SHISAL1: variants seen among roughly 807,000 people sequenced by gnomAD.
SHISAL1 encodes shisa like 1.
In SHISAL1, 9 loss-of-function variants were observed where a neutral mutation model predicts 22.6. The observed-to-expected ratio is 0.40, with a 90% confidence interval of 0.24 to 0.70. SHISAL1 has a LOEUF of 0.70. Among genes scored for constraint, SHISAL1 ranks in the 30% least tolerant of loss-of-function variants. The probability of loss-of-function intolerance (pLI) is 0.39; values close to 1 mark genes in which losing one functional copy is unlikely to be tolerated. For synonymous variants in SHISAL1, 119 were observed against 115.4 expected, an observed-to-expected ratio of 1.03 and a Z score of -0.20; for missense variants, 246 against 270.6, an observed-to-expected ratio of 0.91 and a Z score of 0.64.
chr22:44,326,234 A>T, the SHISAL1 span, among the ~76,000 whole-genome samples: 1 of 152,184 alleles, frequency 6.6e-6, no homozygotes. Flanking sequence ...GCGCTGGATT[A>T]TGGAAGGAAT....
At chr22:44,315,878 G>A (rs1057040523), upstream of SHISAL1, among the ~76,000 whole-genome samples, 6 of 152,086 alleles carry the variant, frequency 3.9e-5, no homozygotes, top group South Asian at 2.1e-4. Flanking sequence ...GCAGTTCCCC[G>A]GCCTCAGGTG....
chr22:44,260,260 C>G (rs1265334245), intron 4 of SHISAL1, among the ~76,000 whole-genome samples: 1 of 152,220 alleles, frequency 6.6e-6, no homozygotes, highest in African/African-American at 2.4e-5. Context: ...AAGTCACTTT[C>G]TTTCTACTAG....
chr22:44,319,081 C>A, the SHISAL1 span, among the ~76,000 whole-genome samples: 6 of 152,360 alleles, frequency 3.9e-5, 1 homozygote, highest in Admixed American at 6.5e-5. Context: ...AGGACAGTAG[C>A]CCGTGAAGAC....
At chr22:44,256,435 A>C (rs1255493624) in intron 4 of SHISAL1, among the ~76,000 whole-genome samples, 1 of 152,152 alleles carries the variant, frequency 6.6e-6, no homozygotes, top group Non-Finnish European at 1.5e-5. Context: ...GTGTGCCTTC[A>C]TGTGTGTCTA....
intron 4 of SHISAL1, among the ~76,000 whole-genome samples, chr22:44,255,377 T>TC (rs2055077682): frequency 6.6e-6 from 1 of 152,094 alleles, no homozygotes; most frequent in Non-Finnish European, 1.5e-5. Flanking sequence ...CCAACCTTCC[T>TC]CCTCCACCTA....
intron 4 of SHISAL1, among the ~76,000 whole-genome samples, chr22:44,275,145 C>T (rs568811847): frequency 2.0e-4 from 30 of 152,278 alleles, no homozygotes; most frequent in East Asian, 1.5e-3. Flanking sequence ...TCTGTTCTGC[C>T]GGGCCCTCCT....
intron 1 of SHISAL1, among the ~76,000 whole-genome samples, chr22:44,302,194 G>A (rs1225225608): frequency 6.6e-6 from 1 of 152,090 alleles, no homozygotes; most frequent in Admixed American, 6.5e-5. Context: ...TACAAAATTA[G>A]CCGGGCATGG....
At chr22:44,299,288 C>T (rs1000045153) in intron 2 of SHISAL1, among the ~76,000 whole-genome samples, 1 of 152,220 alleles carries the variant, frequency 6.6e-6, no homozygotes, top group African/African-American at 2.4e-5. Context: ...AAGCCTCAAC[C>T]ATGAACGCAC....
intron 4 of SHISAL1, among the ~76,000 whole-genome samples, chr22:44,251,839 G>A (rs1230530163): frequency 6.6e-6 from 1 of 152,114 alleles, no homozygotes; most frequent in African/African-American, 2.4e-5. Flanking sequence ...GATTTGGGTG[G>A]GGACACAGCC....
At position 44,300,987 on chromosome 22, in the gene SHISAL1, G is replaced by C; in HGVS notation, c.-32-10C>G. ...ATCCGTCCAGAGCTGCCTGTTCAATGAGAGCCACGAGAGGCTGGGTGTGGG... is the reference window on the plus strand; with the variant it reads ...ATCCGTCCAGAGCTGCCTGTTCAATCAGAGCCACGAGAGGCTGGGTGTGGG... On this transcript the variant is annotated splice_polypyrimidine_tract_variant and intron_variant, in intron 1 of 4. Transcript: ENST00000381176. 2 of 1,571,906 alleles carry C rather than the reference G, an allele frequency of 1.3e-6. No homozygotes were observed. The highest frequency in any genetic ancestry group is 1.7e-6 in the Non-Finnish European group (2 of 1,142,914).
At chr22:44,309,568 G>A (rs932692454) in intron 1 of SHISAL1, among the ~76,000 whole-genome samples, 2 of 152,000 alleles carry the variant, frequency 1.3e-5, no homozygotes, top group African/African-American at 4.8e-5. Flanking sequence ...GATGGAGAAT[G>A]TGGGGCTCGG....
the SHISAL1 span, among the ~76,000 whole-genome samples, chr22:44,330,503 C>T: frequency 6.6e-6 from 1 of 152,186 alleles, no homozygotes; most frequent in Non-Finnish European, 1.5e-5. Flanking sequence ...ACATAACTCC[C>T]CTTCCCTGTC....
chr22:44,269,075 C>T (rs1006671987), intron 4 of SHISAL1, among the ~76,000 whole-genome samples: 7 of 151,982 alleles, frequency 4.6e-5, no homozygotes, highest in Admixed American at 2.0e-4. Context: ...TTCTACTGCC[C>T]GGGACAGTAA....
rs1477069892 is a variant in SHISAL1 at position 44,296,878 on chromosome 22, A to C, written c.75T>G (p.Ser25=). 5 of 1,611,570 alleles carry C rather than the reference A, an allele frequency of 3.1e-6. No homozygotes were observed. The highest frequency in any genetic ancestry group is 4.2e-6 in the Non-Finnish European group (5 of 1,179,380). The stretch of plus-strand genomic sequence containing the variant: ...ATGGTTCACAGACCCGGAAATGTGC[A>C]GACAAGACTGGAAGACAGAGTCACC... ...LFSLLFSAVL[S]AHFRVCEPYT... is the part of the protein sequence containing the mutation. Residue 25 remains serine, a synonymous_variant, in exon 3 of 5, where the codon TCT becomes TCG. Coordinates refer to ENST00000381176, the MANE Select transcript of SHISAL1 (RefSeq NM_001099294.2).
At chr22:44,262,490 C>T (rs930369585) in intron 4 of SHISAL1, among the ~76,000 whole-genome samples, 6 of 152,216 alleles carry the variant, frequency 3.9e-5, no homozygotes, top group African/African-American at 9.6e-5. Flanking sequence ...ACCTCCCATG[C>T]GTGTGGAGCC....
At chr22:44,265,899 C>T (rs1317386276) in intron 4 of SHISAL1, among the ~76,000 whole-genome samples, 1 of 152,194 alleles carries the variant, frequency 6.6e-6, no homozygotes, top group Non-Finnish European at 1.5e-5. Context: ...CCTACTGGTG[C>T]CAGTAAGCCT....
chr22:44,287,872 T>C (rs1387337012), intron 3 of SHISAL1, among the ~76,000 whole-genome samples: 1 of 152,030 alleles, frequency 6.6e-6, no homozygotes, highest in East Asian at 1.9e-4. Context: ...CCCCACGGAA[T>C]TGCTCTAAGT....
At chr22:44,294,903 C>A (rs1400880153) in intron 3 of SHISAL1, among the ~76,000 whole-genome samples, 4 of 152,084 alleles carry the variant, frequency 2.6e-5, no homozygotes, top group African/African-American at 9.7e-5. Flanking sequence ...TGTCTAATAT[C>A]TATATGAAGA....
intron 4 of SHISAL1, among the ~76,000 whole-genome samples, chr22:44,258,386 G>A (rs1477582733): frequency 6.6e-6 from 1 of 152,194 alleles, no homozygotes; most frequent in Non-Finnish European, 1.5e-5. Context: ...TGTGTCATGG[G>A]GGTTTGTTGT....
Sources: gnomAD v4.1 joint callset for allele counts (sites outside exome capture counted in the v4.1 genomes callset) on GRCh38, gnomAD v4.1.1 for gene constraint, MANE v1.5 for transcripts, NCBI Gene and HGNC (gene_info 2026-07-23, HGNC 2026-07-21) for gene names.